Variants in ASPRV1 observed in about 807,000 individuals in gnomAD.
ASPRV1 encodes the protein retroviral-like aspartic protease 1.
ASPRV1 carries 7 observed loss-of-function variants against 11.0 expected under a neutral mutation model. The ratio of observed to expected loss-of-function variants is 0.64; its 90% CI spans 0.36 to 1.20. The LOEUF (loss-of-function observed/expected upper bound fraction) is 1.20, where lower values mean the gene tolerates loss of function less well. Among genes scored for constraint, ASPRV1 ranks in the 50% most tolerant of loss-of-function variants. The probability of loss-of-function intolerance (pLI) is 0.02; values close to 1 mark genes in which losing one functional copy is unlikely to be tolerated. For synonymous variants in ASPRV1, 136 were observed against 138.4 expected, an observed-to-expected ratio of 0.98 and a Z score of 0.12; for missense variants, 299 against 320.0, an observed-to-expected ratio of 0.93 and a Z score of 0.50.
chr2:70,021,778 C>T, the ASPRV1 span, among the ~76,000 whole-genome samples: 1 of 151,996 alleles, frequency 6.6e-6, no homozygotes, highest in Non-Finnish European at 1.5e-5. Flanking sequence ...TCTCGGCTCA[C>T]TGCAACCTCC....
the ASPRV1 span, chr2:69,935,254 C>A: frequency 1.2e-6 from 1 of 822,638 alleles, no homozygotes; most frequent in Non-Finnish European, 2.1e-6. Flanking sequence ...CATCGCAAGG[C>A]CTGGGCAACT....
chr2:70,057,848 C>T, the ASPRV1 span, among the ~76,000 whole-genome samples: 1 of 151,388 alleles, frequency 6.6e-6, no homozygotes, highest in African/African-American at 2.4e-5. Context: ...GGCTGAAATG[C>T]AGTGGCACAA....
chr2:69,956,910 T>G (rs1363541368), downstream of ASPRV1, among the ~76,000 whole-genome samples: 1 of 152,098 alleles, frequency 6.6e-6, no homozygotes, highest in East Asian at 1.9e-4. Flanking sequence ...CTGAGGAACA[T>G]TCTACAGAAT....
the ASPRV1 span, chr2:70,030,241 G>C: frequency 3.3e-5 from 5 of 152,364 alleles, no homozygotes; most frequent in African/African-American, 1.2e-4. Context: ...TGGGGGAAGG[G>C]ATGAAATGCA....
chr2:70,017,800 C>CA, the ASPRV1 span, among the ~76,000 whole-genome samples: 1 of 151,962 alleles, frequency 6.6e-6, no homozygotes, highest in Non-Finnish European at 1.5e-5. Flanking sequence ...AACGAACTAT[C>CA]AAAAAAATGA....
In ASPRV1 at chr2:69,960,337, A is replaced by T; in HGVS notation, c.*320T>A. ...CTCAGGGAATCTGAAGGGGTCCCAC[A>T]GTTCTTTCAAAGACAAGCATTTCTA... On this transcript the variant is annotated 3_prime_UTR_variant, in exon 1 of 1. Transcript: ENST00000320256. 1 of 303,008 alleles carries T rather than the reference A, an allele frequency of 3.3e-6. No individual in the cohort carries two copies. 18.8% of individuals were successfully genotyped at this position (303,008 alleles called of 1,614,324 possible).
the ASPRV1 span, among the ~76,000 whole-genome samples, chr2:70,069,642 C>T: frequency 2.6e-5 from 4 of 152,276 alleles, no homozygotes; most frequent in Middle Eastern, 3.4e-3. Context: ...AATTTTATCT[C>T]TTCTTCCTTC....
the ASPRV1 span, among the ~76,000 whole-genome samples, chr2:69,982,619 T>C: frequency 6.6e-6 from 1 of 152,130 alleles, no homozygotes; most frequent in Non-Finnish European, 1.5e-5. Flanking sequence ...TGGTGCCTCA[T>C]GGGACAGACG....
upstream of ASPRV1, chr2:69,964,384 G>A: frequency 2.2e-6 from 1 of 452,490 alleles, no homozygotes. Context: ...GAGCTGGAAG[G>A]AGTTGGCATC....
At chr2:69,942,223 G>A in the ASPRV1 span, 1 of 152,096 alleles carries the variant, frequency 6.6e-6, no homozygotes, top group Non-Finnish European at 1.5e-5. Context: ...AACTCTTCCT[G>A]GTAGAAGACA....
At chr2:70,038,907 T>C in the ASPRV1 span, among the ~76,000 whole-genome samples, 3 of 152,026 alleles carry the variant, frequency 2.0e-5, no homozygotes, top group East Asian at 3.9e-4. Flanking sequence ...GGAGAAACCC[T>C]GTCTCTACTA....
the ASPRV1 span, among the ~76,000 whole-genome samples, chr2:70,022,064 G>C: frequency 1.3e-5 from 2 of 150,722 alleles, no homozygotes; most frequent in South Asian, 4.2e-4. Context: ...ACCCAAGCTG[G>C]AGTGCAGTGG....
chr2:70,034,500 G>A, the ASPRV1 span, among the ~76,000 whole-genome samples: 1 of 151,960 alleles, frequency 6.6e-6, no homozygotes, highest in South Asian at 2.1e-4. Context: ...GAACCCGGGA[G>A]GTGGACGTTG....
the ASPRV1 span, among the ~76,000 whole-genome samples, chr2:70,042,876 G>C: frequency 6.6e-6 from 1 of 152,162 alleles, no homozygotes; most frequent in African/African-American, 2.4e-5. Flanking sequence ...GAACCCAAGA[G>C]GCCTCAGTGA....
chr2:70,067,325 T>C, the ASPRV1 span, among the ~76,000 whole-genome samples: 1 of 152,006 alleles, frequency 6.6e-6, no homozygotes, highest in Admixed American at 6.6e-5. Flanking sequence ...AAGGAGCAAG[T>C]GAGAAAAAGC....
chr2:70,061,400 AAAAAAAAAAC>A, the ASPRV1 span, among the ~76,000 whole-genome samples: 3 of 151,814 alleles, frequency 2.0e-5, no homozygotes, highest in African/African-American at 4.8e-5. Flanking sequence ...GTCTCAAAAA[AAAAAAAAAAC>A]AAAAAAAAAC....
At chr2:70,043,135 C>G in the ASPRV1 span, among the ~76,000 whole-genome samples, 13 of 152,124 alleles carry the variant, frequency 8.5e-5, no homozygotes, top group Non-Finnish European at 5.9e-5. Context: ...AAGGGTCTCT[C>G]TTTGGAAGAA....
At chr2:69,997,224 G>A in the ASPRV1 span, among the ~76,000 whole-genome samples, 1 of 149,840 alleles carries the variant, frequency 6.7e-6, no homozygotes, top group Non-Finnish European at 1.5e-5. Context: ...GGCCTTTGCA[G>A]AGGAGGATGC....
the ASPRV1 span, among the ~76,000 whole-genome samples, chr2:69,994,541 G>A: frequency 6.6e-6 from 1 of 152,202 alleles, no homozygotes; most frequent in African/African-American, 2.4e-5. Context: ...GGCAGCCTGG[G>A]CTGTGTTTGG....
Sources: gnomAD v4.1 joint callset for allele counts (sites outside exome capture counted in the v4.1 genomes callset) on GRCh38, gnomAD v4.1.1 for gene constraint, MANE v1.5 for transcripts, NCBI Gene and HGNC (gene_info 2026-07-23, HGNC 2026-07-21) for gene names.